The following SGCD variants were observed in gnomAD, a reference collection of about 807,000 sequenced individuals.
The protein encoded by SGCD is delta-sarcoglycan.
Under a neutral mutation model 36.6 loss-of-function variants are expected in SGCD, and 18 were observed. That is an observed-to-expected ratio of 0.49 (90% confidence interval 0.34 to 0.73). The LOEUF (loss-of-function observed/expected upper bound fraction) is 0.73. SGCD is among the 30% of genes least tolerant of loss of function. The pLI is 0.01. For missense variants in SGCD, 387 were observed against 346.7 expected, an observed-to-expected ratio of 1.12 and a Z score of -0.92; for synonymous variants, 133 against 130.6, an observed-to-expected ratio of 1.02 and a Z score of -0.12.
intron 1 of SGCD, among the ~76,000 whole-genome samples, chr5:155,979,204 A>G (rs1758179598): frequency 6.6e-6 from 1 of 152,210 alleles, no homozygotes; most frequent in Non-Finnish European, 1.5e-5. Context: ...CTTGAATATT[A>G]AGGATCAAAC....
chr5:155,763,448 C>A, the SGCD span, among the ~76,000 whole-genome samples: 1 of 152,118 alleles, frequency 6.6e-6, no homozygotes, highest in Non-Finnish European at 1.5e-5. Context: ...TTATAAAAAT[C>A]TCCTTTACTA....
At chr5:155,975,430 A>C (rs1282875950) in intron 1 of SGCD, among the ~76,000 whole-genome samples, 1 of 152,022 alleles carries the variant, frequency 6.6e-6, no homozygotes, top group African/African-American at 2.4e-5. Context: ...TCCCCCAAGC[A>C]AAGAATTATT....
chr5:156,466,288 G>T (rs1431902119), intron 3 of SGCD, among the ~76,000 whole-genome samples: 1 of 152,280 alleles, frequency 6.6e-6, no homozygotes, highest in East Asian at 1.9e-4. Context: ...CTTCTACAAA[G>T]ACTCTAGAGA....
At chr5:156,552,227 A>G (rs1758828873) in intron 4 of SGCD, among the ~76,000 whole-genome samples, 1 of 152,192 alleles carries the variant, frequency 6.6e-6, no homozygotes, top group Non-Finnish European at 1.5e-5. Context: ...TGATAACATC[A>G]AGGTGAGAGC....
At chr5:155,972,202 A>C (rs1758019064) in intron 1 of SGCD, among the ~76,000 whole-genome samples, 1 of 152,202 alleles carries the variant, frequency 6.6e-6, no homozygotes, top group African/African-American at 2.4e-5. Flanking sequence ...TAATTGTCGA[A>C]AAGTCAAACA....
chr5:156,612,075 A>G (rs1345871499), intron 6 of SGCD, among the ~76,000 whole-genome samples: 1 of 151,834 alleles, frequency 6.6e-6, no homozygotes, highest in Non-Finnish European at 1.5e-5. Context: ...TATACATTTT[A>G]TTTTTGGGAG....
chr5:155,875,584 A>G (rs942857489), intron 1 of SGCD, among the ~76,000 whole-genome samples: 8 of 151,784 alleles, frequency 5.3e-5, no homozygotes, highest in African/African-American at 1.9e-4. Flanking sequence ...AGCTGTGACA[A>G]TTTAAAGGCA....
At chr5:155,981,642 C>T (rs1397352492) in intron 1 of SGCD, among the ~76,000 whole-genome samples, 1 of 152,118 alleles carries the variant, frequency 6.6e-6, no homozygotes, top group East Asian at 1.9e-4. Flanking sequence ...TCAGCTTAGT[C>T]TCCCTACCAC....
intron 3 of SGCD, among the ~76,000 whole-genome samples, chr5:156,410,679 C>T (rs1343747529): frequency 2.0e-5 from 3 of 152,176 alleles, no homozygotes; most frequent in Admixed American, 6.5e-5. Context: ...TTTAACCCAG[C>T]GAATGAACCT....
rs1766212931 is a variant in SGCD at position 156,272,763 on chromosome 5, T to C, written c.-43-56771T>C. 2.0e-5 allele frequency among the ~76,000 whole-genome samples: 3 copies of C among 152,348 alleles called. No homozygotes were observed. The South Asian group carries it at 6.2e-4, about 32-fold the overall frequency. On this transcript the variant is annotated intron_variant, in intron 3 of 9. Coordinates refer to the SGCD transcript ENST00000517913. ...TGAAATTCCAACATAACACCAGTTA[T>C]CTTTTAGAGCAGGGAAAGGCAAACT...
chr5:156,624,833 T>G (rs1581276547), intron 6 of SGCD, among the ~76,000 whole-genome samples: 1 of 152,172 alleles, frequency 6.6e-6, no homozygotes, highest in South Asian at 2.1e-4. Context: ...CAAGTTTGAG[T>G]CAAGTCTGCT....
intron 1 of SGCD, among the ~76,000 whole-genome samples, chr5:156,092,016 A>G (rs1422307079): frequency 4.6e-5 from 7 of 152,236 alleles, no homozygotes; most frequent in Admixed American, 3.9e-4. Flanking sequence ...GACATAGAGC[A>G]TGCATGGCTT....
the SGCD span, among the ~76,000 whole-genome samples, chr5:155,728,646 C>A: frequency 3.9e-5 from 6 of 152,148 alleles, no homozygotes; most frequent in Non-Finnish European, 8.8e-5. Context: ...CGGCGCCGGC[C>A]CCTATTCCGT....
At chr5:156,503,010 C>G (rs1290339656) in intron 3 of SGCD, among the ~76,000 whole-genome samples, 1 of 151,994 alleles carries the variant, frequency 6.6e-6, no homozygotes, top group Non-Finnish European at 1.5e-5. Context: ...TGATCATAAG[C>G]AAGAATAGGA....
At chr5:155,905,347 T>C (rs1756481662) in intron 1 of SGCD, among the ~76,000 whole-genome samples, 1 of 152,114 alleles carries the variant, frequency 6.6e-6, no homozygotes, top group Non-Finnish European at 1.5e-5. Context: ...TTAGAAATTA[T>C]TAGTTACTTT....
chr5:156,282,817 T>C (rs1766487984), intron 3 of SGCD, among the ~76,000 whole-genome samples: 1 of 152,200 alleles, frequency 6.6e-6, no homozygotes, highest in South Asian at 2.1e-4. Context: ...AAGATTGACA[T>C]TATCTGTCTA....
chr5:155,934,558 T>C (rs1757161074), intron 1 of SGCD, among the ~76,000 whole-genome samples: 1 of 152,226 alleles, frequency 6.6e-6, no homozygotes, highest in Admixed American at 6.5e-5. Context: ...TCTTCTTTTA[T>C]TTCAGTAGTT....
chr5:156,096,391 T>G (rs1455638297), intron 1 of SGCD, among the ~76,000 whole-genome samples: 1 of 152,174 alleles, frequency 6.6e-6, no homozygotes, highest in African/African-American at 2.4e-5. Flanking sequence ...TGGCTGAGAC[T>G]CCATGACTTA....
intron 7 of SGCD, among the ~76,000 whole-genome samples, chr5:156,677,466 A>T (rs1354915456): frequency 6.6e-6 from 1 of 151,782 alleles, no homozygotes; most frequent in Non-Finnish European, 1.5e-5. Context: ...ACATGTTCTC[A>T]CTCATAGGTG....
Sources: gnomAD v4.1 joint callset for allele counts (sites outside exome capture counted in the v4.1 genomes callset) on GRCh38, gnomAD v4.1.1 for gene constraint, MANE v1.5 for transcripts, NCBI Gene and HGNC (gene_info 2026-07-23, HGNC 2026-07-21) for gene names.